TP53BP2: variants seen among roughly 807,000 people sequenced by gnomAD.
The protein encoded by TP53BP2 is tumor protein p53 binding protein 2, also known as apoptosis-stimulating of p53 protein 2.
TP53BP2 carries 62 observed loss-of-function variants against 126.2 expected under a neutral mutation model. The observed-to-expected ratio is 0.49, with a 90% CI of 0.40 to 0.61. The LOEUF (loss-of-function observed/expected upper bound fraction) is 0.61. Ranked by LOEUF, TP53BP2 falls within the 20% of genes least tolerant of loss-of-function variation. TP53BP2 has a pLI of 0.00. For synonymous variants in TP53BP2, 485 were observed against 502.9 expected, an observed-to-expected ratio of 0.96 and a Z score of 0.48; for missense variants, 1,215 against 1,402.8, an observed-to-expected ratio of 0.87 and a Z score of 2.14.
chr1:223,798,730 G>A, intron 11 of TP53BP2, 53 bp from the exon 12 acceptor site: 1 of 1,384,118 alleles, frequency 7.2e-7, no homozygotes, highest in Non-Finnish European at 9.9e-7. Context: ...TGGGTACACA[G>A]GATGTTCTAG....
At position 223,800,055 on chromosome 1, in the gene TP53BP2, CA is replaced by C; in HGVS notation, c.1337-9del. On this transcript the variant is annotated splice_polypyrimidine_tract_variant and intron_variant, in intron 10 of 17. Transcript: ENST00000343537. ...GAACCTCTCCATCATCAACTAAAGA[CA>C]AAAAAATCACAATGACATTCAAACT... is the stretch of plus-strand genomic sequence containing the variant. 1 of 1,589,760 alleles carries C rather than the reference CA, an allele frequency of 6.3e-7. No individual in the cohort carries two copies. Among genetic ancestry groups the C allele is most frequent in the Non-Finnish European group, 8.5e-7 (1 of 1,172,344 alleles).
chr1:223,781,520 T>C (rs973720856), intron 17 of TP53BP2, among the ~76,000 whole-genome samples: 3 of 152,148 alleles, frequency 2.0e-5, no homozygotes, highest in Non-Finnish European at 2.9e-5. Flanking sequence ...GTCAAACTGA[T>C]AAATTCAACT....
chr1:223,830,776 C>A (rs933240866), intron 1 of TP53BP2, among the ~76,000 whole-genome samples: 2 of 152,112 alleles, frequency 1.3e-5, no homozygotes, highest in African/African-American at 2.4e-5. Context: ...TAAAACAGAA[C>A]AATACTAAGT....
At chr1:223,799,206 T>C (rs1193865752) in intron 11 of TP53BP2, among the ~76,000 whole-genome samples, 1 of 152,178 alleles carries the variant, frequency 6.6e-6, no homozygotes, top group Non-Finnish European at 1.5e-5. Flanking sequence ...TAGTCTCAAG[T>C]GATCCTCCCA....
intron 4 of TP53BP2, among the ~76,000 whole-genome samples, chr1:223,810,030 TGGTCAGAC>T (rs1444769425): frequency 8.5e-5 from 13 of 152,208 alleles, no homozygotes; most frequent in Admixed American, 7.9e-4. Context: ...TTCTCCATGT[TGGTCAGAC>T]TGGTTTTGAA....
chr1:223,792,433 C>A lies in TP53BP2; in HGVS notation c.2952G>T (p.Leu984=), dbSNP rs779780187. The stretch of plus-strand genomic sequence containing the variant: ...CATTTACATTTACACCAAACTGTAC[C>A]AGGAACTTAACGATTTCTGTGTGGC... ...CAGHTEIVKF[L]VQFGVNVNAA... is the part of the protein sequence containing the mutation. Residue 984 remains leucine, a synonymous_variant, in exon 15 of 18, where the codon CTG becomes CTT. Coordinates refer to ENST00000343537, the MANE Select transcript of TP53BP2 (RefSeq NM_001031685.3). 1.2e-6 allele frequency: 2 copies of A among 1,613,426 alleles called. No homozygotes were observed. Among genetic ancestry groups the A allele is most frequent in the South Asian group, 2.2e-5 (2 of 90,894 alleles).
chr1:223,803,144 T>G, intron 7 of TP53BP2, 127 bp downstream of exon 7: 3 of 1,191,670 alleles, frequency 2.5e-6, no homozygotes, highest in Non-Finnish European at 3.5e-6. Context: ...GGAGTTTGGG[T>G]TCCCCCCACA....
intron 5 of TP53BP2, among the ~76,000 whole-genome samples, chr1:223,806,337 T>C (rs528980560): frequency 3.3e-5 from 5 of 152,104 alleles, no homozygotes; most frequent in African/African-American, 7.2e-5. Context: ...CTTGAACAAT[T>C]AGGATGATAC....
chr1:223,844,337 A>G (rs936702331), intron 1 of TP53BP2, among the ~76,000 whole-genome samples: 1 of 152,248 alleles, frequency 6.6e-6, no homozygotes, highest in Non-Finnish European at 1.5e-5. Flanking sequence ...AAAACAAGGA[A>G]GAAACCATAT....
chr1:223,796,662 CTAACAA>C lies in TP53BP2; in HGVS notation c.1949-78_1949-73del. 1 of 1,362,892 alleles carries C rather than the reference CTAACAA, an allele frequency of 7.3e-7. No individual in the cohort carries two copies. Among genetic ancestry groups the C allele is most frequent in the Non-Finnish European group, 9.9e-7 (1 of 1,012,212 alleles). 84.4% of individuals were successfully genotyped at this position (1,362,892 alleles called of 1,614,324 possible). A position where few individuals can be genotyped will look rare whatever the true frequency, so the allele number is the denominator to read the frequency against. ...CAAAACTGGCAAGAAACAGAAACAG[CTAACAA>C]TAACTAAAGCCTCTTTTAATTTCAT... On this transcript the variant is annotated intron_variant, in intron 12 of 17. Transcript: ENST00000343537. This position sits in a 1 kb window ranked among gnomAD's most constrained non-coding sequence, Gnocchi z 4.2.
intron 1 of TP53BP2, among the ~76,000 whole-genome samples, chr1:223,833,167 T>C (rs1186044259): frequency 1.3e-5 from 2 of 152,360 alleles, no homozygotes; most frequent in South Asian, 2.1e-4. Context: ...AAGTTATGTA[T>C]ACCGATGTTC....
chr1:223,837,155 A>AGCG (rs1558111841), intron 1 of TP53BP2, among the ~76,000 whole-genome samples: 4 of 76,690 alleles, frequency 5.2e-5, no homozygotes, highest in African/African-American at 1.9e-4. Flanking sequence ...TAAAAAAAAA[A>AGCG]GGGGGGGGGC....
At chr1:223,804,009 C>T (rs1190000620) in intron 6 of TP53BP2, among the ~76,000 whole-genome samples, 165 bp downstream of exon 6, 1 of 152,148 alleles carries the variant, frequency 6.6e-6, no homozygotes, top group African/African-American at 2.4e-5. Context: ...ACAGATCAAC[C>T]ATGGTGGCTT....
intron 1 of TP53BP2, among the ~76,000 whole-genome samples, chr1:223,839,334 AC>A (rs1664027707): frequency 6.6e-6 from 1 of 152,150 alleles, no homozygotes; most frequent in African/African-American, 2.4e-5. Context: ...GGGATGACCA[AC>A]CTAAATCACC....
intron 1 of TP53BP2, among the ~76,000 whole-genome samples, chr1:223,828,437 A>C (rs1205344885): frequency 6.6e-6 from 1 of 152,230 alleles, no homozygotes; most frequent in African/African-American, 2.4e-5. Context: ...TTTTTTAAGC[A>C]ATCAATGATG....
rs188256447 is a variant in TP53BP2 at position 223,799,340 on chromosome 1, C to T, written c.1485+559G>A. Among the ~76,000 whole-genome samples the T allele has an allele frequency of 6.3e-3, 954 of 152,244 alleles. 6 individuals carry two copies. The highest frequency in any genetic ancestry group is 9.2e-3 in the Non-Finnish European group (625 of 68,012). On this transcript the variant is annotated intron_variant, in intron 11 of 17. Transcript: ENST00000343537. ...TTTCATTAATGCAATACAATCTCTT[C>T]CCTTTATGACTTCCTCCTTGTTTCC...
Position 223,780,594 on chromosome 1 carries a change from ATACT to A in TP53BP2, c.*255_*258del. ...TTGTAGAAAACAGGATTGTCGCTGT[ATACT>A]TATCTGAGTGCTACACGGGACACCT... On this transcript the variant is annotated 3_prime_UTR_variant, in exon 18 of 18. Transcript: ENST00000343537. 2.2e-6 allele frequency: 1 copy of A among 446,172 alleles called. No individual in the cohort carries two copies. Among genetic ancestry groups the A allele is most frequent in the Non-Finnish European group, 4.0e-6 (1 of 249,670 alleles). 27.6% of individuals were successfully genotyped at this position (446,172 alleles called of 1,614,324 possible). A position where few individuals can be genotyped will look rare whatever the true frequency, so the allele number is the denominator to read the frequency against.
Position 223,792,532 on chromosome 1 carries a change from G to C in TP53BP2, c.2863-10C>G, listed in dbSNP as rs1662186672. On this transcript the variant is annotated splice_polypyrimidine_tract_variant and intron_variant, in intron 14 of 17. Coordinates refer to ENST00000343537, the MANE Select transcript of TP53BP2 (RefSeq NM_001031685.3). ...GGCTTGGGTCATCAACCTATATCAA[G>C]AAGAAGGGTGAGCATCACTCTAGTT... 6.2e-7 allele frequency: 1 copy of C among 1,613,546 alleles called. No individual in the cohort carries two copies. The highest frequency in any genetic ancestry group is 8.5e-7 in the Non-Finnish European group (1 of 1,179,598).
rs1381751224 is a variant in TP53BP2, at chr1:223,795,852, C to CGCAT, written c.2683_2686dup (p.Arg896HisfsTer5). On this transcript the variant is annotated frameshift_variant, in exon 13 of 18. Coordinates refer to ENST00000343537, the MANE Select transcript of TP53BP2 (RefSeq NM_001031685.3). LOFTEE classifies it high-confidence loss of function. ...GACCTGCCCGGTGATTTCAGGCGGG[C>CGCAT]GCATGCTCACCGAGTCTTCTCCGGG... 6.3e-7 allele frequency: 1 copy of CGCAT among 1,576,628 alleles called. No individual in the cohort carries two copies. Among genetic ancestry groups the CGCAT allele is most frequent in the Admixed American group, 1.9e-5 (1 of 52,952 alleles).
Sources: gnomAD v4.1 joint callset for allele counts (sites outside exome capture counted in the v4.1 genomes callset) on GRCh38, gnomAD v4.1.1 for gene constraint, Gnocchi (gnomAD v3.1) non-coding constraint, MANE v1.5 for transcripts, NCBI Gene and HGNC (gene_info 2026-07-23, HGNC 2026-07-21) for gene names.